Variants in AQR observed in about 807,000 individuals in gnomAD.
AQR encodes the protein RNA helicase aquarius.
In AQR, 61 loss-of-function variants were observed where a neutral mutation model predicts 180.5. The observed-to-expected ratio is 0.34, with a 90% CI of 0.28 to 0.42. The LOEUF is 0.42. Among genes scored for constraint, AQR ranks in the 10% least tolerant of loss-of-function variants. The pLI, the probability that AQR is intolerant of heterozygous loss-of-function variation, is 1.00. For synonymous variants in AQR, 551 were observed against 588.8 expected (o/e 0.94, Z 0.93); for missense variants, 1,281 against 1,798.3 (o/e 0.71, Z 5.20).
intron 5 of AQR, among the ~76,000 whole-genome samples, chr15:34,945,098 C>T (rs1036210219): frequency 1.3e-5 from 2 of 152,178 alleles, no homozygotes; most frequent in Admixed American, 6.5e-5. Context: ...CCGCAATATT[C>T]GTAGGGTTCT....
At chr15:34,899,136 C>A (rs914029879) in intron 20 of AQR, among the ~76,000 whole-genome samples, 2 of 152,006 alleles carry the variant, frequency 1.3e-5, no homozygotes, top group Non-Finnish European at 2.9e-5. Flanking sequence ...CGCGCCACTG[C>A]ACTCCAGCCT....
At chr15:34,886,724 A>G in intron 24 of AQR, 63 bp from the exon 25 acceptor site, 2 of 1,499,094 alleles carry the variant, frequency 1.3e-6, no homozygotes, top group Non-Finnish European at 1.8e-6. Context: ...GGAAACAATC[A>G]GCAAAATTCA....
In AQR at chr15:34,930,384, AT is replaced by A. The variant is rs1488867255; in HGVS notation, c.901-14del. The A allele has an allele frequency of 7.2e-7, 1 of 1,389,876 alleles. No homozygotes were observed. Among genetic ancestry groups the A allele is most frequent in the Non-Finnish European group, 1.0e-6 (1 of 978,544 alleles). 86.1% of individuals were successfully genotyped at this position (1,389,876 alleles called of 1,614,324 possible). ...GCATGTCCAAAAGCTGAAGAAACAC[AT>A]TTACATGTATAAATCATATGAACAT... On this transcript the variant is annotated splice_polypyrimidine_tract_variant and intron_variant, in intron 11 of 34. Coordinates refer to ENST00000156471, the MANE Select transcript of AQR (RefSeq NM_014691.3).
At chr15:34,912,583 T>C (rs1226323948) in intron 16 of AQR, among the ~76,000 whole-genome samples, 3 of 151,880 alleles carry the variant, frequency 2.0e-5, no homozygotes, top group African/African-American at 7.3e-5. Context: ...AGAATATCTA[T>C]GTAAAAACCT....
intron 1 of AQR, among the ~76,000 whole-genome samples, chr15:34,967,038 G>C (rs549816473): frequency 3.3e-5 from 5 of 151,752 alleles, no homozygotes; most frequent in African/African-American, 1.2e-4. Flanking sequence ...CACCACGTCC[G>C]GCTAATTTTG....
At chr15:34,870,684 G>T in intron 31 of AQR, 68 bp downstream of exon 31, 2 of 1,377,100 alleles carry the variant, frequency 1.5e-6, no homozygotes, top group South Asian at 1.6e-5. Context: ...AGGCAAAGCA[G>T]AACAATATAA....
intron 4 of AQR, among the ~76,000 whole-genome samples, chr15:34,952,031 A>G (rs1470417921): frequency 6.6e-6 from 1 of 152,194 alleles, no homozygotes; most frequent in African/African-American, 2.4e-5. Flanking sequence ...ATAAATTTCA[A>G]TTTCCCTCTA....
At chr15:34,919,952 GA>G (rs1893659645) in intron 14 of AQR, among the ~76,000 whole-genome samples, 1 of 152,004 alleles carries the variant, frequency 6.6e-6, no homozygotes, top group African/African-American at 2.4e-5. Flanking sequence ...AAGAATTCCT[GA>G]AAAAAATCCT....
rs530607063 is a variant in AQR at position 34,882,733 on chromosome 15, A to C, written c.3028-94T>G. ...AGTCAGACTTAATTCCTGAGAAATT[A>C]ACATAAATATATTATAAACTAAGCC... On this transcript the variant is annotated intron_variant, in intron 26 of 34. Coordinates refer to ENST00000156471, the MANE Select transcript of AQR (RefSeq NM_014691.3). The C allele has an allele frequency of 1.5e-5, 17 of 1,109,404 alleles. No individual in the cohort carries two copies. The East Asian group carries it at 4.4e-4, about 29-fold the overall frequency. 68.7% of individuals were successfully genotyped at this position (1,109,404 alleles called of 1,614,324 possible).
chr15:34,966,869 C>CTTTTTTT (rs148912380), intron 1 of AQR, among the ~76,000 whole-genome samples: 4 of 67,068 alleles, frequency 6.0e-5, no homozygotes, highest in African/African-American at 1.2e-4. Flanking sequence ...CCACCCTGGC[C>CTTTTTTT]TTTTTTTTTT....
chr15:34,932,553 AAT>A, intron 10 of AQR, 119 bp from the exon 11 acceptor site: 1 of 684,710 alleles, frequency 1.5e-6, no homozygotes, highest in Non-Finnish European at 2.5e-6. Flanking sequence ...CCAACCTTCC[AAT>A]AGACACACTG....
chr15:34,937,944 GTA>G (rs887424949), intron 9 of AQR, among the ~76,000 whole-genome samples: 4 of 149,508 alleles, frequency 2.7e-5, no homozygotes, highest in East Asian at 1.9e-4. Context: ...TTTTAATATA[GTA>G]TATATATATA....
In AQR at chr15:34,856,122, C is replaced by T. The variant is rs1224376334; in HGVS notation, c.*670G>A. 6.5e-6 allele frequency: 1 copy of T among 154,216 alleles called. No homozygotes were observed. Among genetic ancestry groups the T allele is most frequent in the Non-Finnish European group, 1.4e-5 (1 of 69,688 alleles). The allele number at this position is 154,216 out of a possible 1,614,324, so 9.6% of individuals were successfully genotyped here. ...GGCTGATGCCACTCTGCCAGCAACC[C>T]AAACATTAGTGGTGTGGAGAACCTC... On this transcript the variant is annotated 3_prime_UTR_variant, in exon 35 of 35. Transcript: ENST00000156471.
At chr15:34,961,735 C>G (rs958188762) in intron 2 of AQR, among the ~76,000 whole-genome samples, 6 of 150,048 alleles carry the variant, frequency 4.0e-5, no homozygotes, top group African/African-American at 1.2e-4. Context: ...TCTGCCTTCA[C>G]TACTGATGGC....
At chr15:34,898,008 C>T (rs1205952068) in intron 20 of AQR, among the ~76,000 whole-genome samples, 1 of 152,074 alleles carries the variant, frequency 6.6e-6, no homozygotes, top group Non-Finnish European at 1.5e-5. Flanking sequence ...TTCATTTAAT[C>T]AGAAAAAAAT....
At chr15:34,880,832 G>C (rs1229331566) in intron 27 of AQR, among the ~76,000 whole-genome samples, 3 of 152,132 alleles carry the variant, frequency 2.0e-5, no homozygotes, top group African/African-American at 4.8e-5. Context: ...AGATGAAAAG[G>C]ACAAAATCTA....
chr15:34,961,544 A>C (rs1218813782), intron 2 of AQR, among the ~76,000 whole-genome samples: 1 of 135,466 alleles, frequency 7.4e-6, no homozygotes, highest in Non-Finnish European at 1.5e-5. Flanking sequence ...CGGGAGGCGG[A>C]GGTTGCAGTG....
intron 27 of AQR, among the ~76,000 whole-genome samples, chr15:34,880,570 A>G (rs947673562): frequency 2.0e-5 from 3 of 152,248 alleles, no homozygotes; most frequent in African/African-American, 7.2e-5. Context: ...CAGAAAGAAA[A>G]AAAAATTGTG....
chr15:34,962,391 C>T (rs748635666), intron 2 of AQR, among the ~76,000 whole-genome samples: 7 of 152,126 alleles, frequency 4.6e-5, no homozygotes, highest in Non-Finnish European at 7.4e-5. Flanking sequence ...GGGAGGGAGG[C>T]GATAAGGAAA....
Sources: allele counts gnomAD v4.1 joint callset (sites outside exome capture counted in the v4.1 genomes callset), GRCh38; gene constraint gnomAD v4.1.1; transcripts MANE v1.5; gene names NCBI Gene and HGNC (gene_info 2026-07-23, HGNC 2026-07-21).